HSF2: variants seen among roughly 807,000 people sequenced by gnomAD.
HSF2 encodes the protein heat shock factor protein 2.
Under a neutral mutation model 65.0 loss-of-function variants are expected in HSF2, and 21 were observed. The ratio of observed to expected loss-of-function variants is 0.32; its 90% CI spans 0.23 to 0.47. HSF2 has a LOEUF of 0.47. Among genes scored for constraint, HSF2 ranks in the 20% least tolerant of loss-of-function variants. The pLI, the probability that HSF2 is intolerant of heterozygous loss-of-function variation, is 1.00. For synonymous variants in HSF2, 225 were observed against 219.1 expected (o/e 1.03, Z -0.24); for missense variants, 499 against 628.1 (o/e 0.79, Z 2.20).
At chr6:122,405,413 A>G (rs1367018522) in intron 1 of HSF2, among the ~76,000 whole-genome samples, 2 of 152,198 alleles carry the variant, frequency 1.3e-5, no homozygotes, top group African/African-American at 4.8e-5. Flanking sequence ...GGTAAGTTTA[A>G]TAGAGTTACT....
chr6:122,414,373 T>C (rs1431014209), intron 4 of HSF2, among the ~76,000 whole-genome samples: 1 of 152,210 alleles, frequency 6.6e-6, no homozygotes, highest in Non-Finnish European at 1.5e-5. Context: ...CCATATCAGA[T>C]GTGAGACGTT....
intron 7 of HSF2, among the ~76,000 whole-genome samples, chr6:122,421,843 A>C (rs979265916): frequency 5.9e-5 from 9 of 152,088 alleles, no homozygotes; most frequent in African/African-American, 2.2e-4. Context: ...TTTACTCTTT[A>C]GGCATAAAAA....
chr6:122,421,143 C>A (rs1582617075), intron 7 of HSF2, among the ~76,000 whole-genome samples: 1 of 152,012 alleles, frequency 6.6e-6, no homozygotes, highest in South Asian at 2.1e-4. Context: ...AACTAGAATG[C>A]TTTTTACTCC....
At chr6:122,406,060 G>T (rs1026369134) in intron 1 of HSF2, among the ~76,000 whole-genome samples, 1 of 152,146 alleles carries the variant, frequency 6.6e-6, no homozygotes, top group Admixed American at 6.6e-5. Context: ...AGGAACAAGA[G>T]CTCCTTTTTC....
At chr6:122,412,281 T>A in intron 1 of HSF2, 92 bp from the exon 2 acceptor site, 1 of 748,894 alleles carries the variant, frequency 1.3e-6, no homozygotes, top group Non-Finnish European at 2.4e-6. Flanking sequence ...GGGACTGGAC[T>A]ACTCAAGACA....
intron 7 of HSF2, among the ~76,000 whole-genome samples, chr6:122,421,044 T>C (rs1159088829): frequency 6.6e-6 from 1 of 151,996 alleles, no homozygotes; most frequent in Non-Finnish European, 1.5e-5. Context: ...TAATTGAATA[T>C]TTTGAAAATG....
intron 11 of HSF2, among the ~76,000 whole-genome samples, chr6:122,428,323 A>G (rs1774382306): frequency 6.6e-6 from 1 of 152,038 alleles, no homozygotes; most frequent in African/African-American, 2.4e-5. Context: ...AAAAAGTTAT[A>G]GTACCCATAT....
chr6:122,400,199 C>A (rs950690918), intron 1 of HSF2, among the ~76,000 whole-genome samples: 1 of 152,138 alleles, frequency 6.6e-6, no homozygotes, highest in Non-Finnish European at 1.5e-5. Flanking sequence ...TCCTCCCGCC[C>A]GGCTCAGGGG....
At chr6:122,428,823 C>A (rs750698560) in intron 11 of HSF2, among the ~76,000 whole-genome samples, 1 of 152,016 alleles carries the variant, frequency 6.6e-6, no homozygotes, top group Non-Finnish European at 1.5e-5. Context: ...CTGTCTATAT[C>A]TTCAAAGTTA....
intron 6 of HSF2, 93 bp from the exon 7 acceptor site, chr6:122,420,042 T>C (rs751916764): frequency 5.1e-6 from 6 of 1,167,516 alleles, no homozygotes; most frequent in Non-Finnish European, 7.0e-6. Flanking sequence ...ATTAAGTGAG[T>C]GTGCATGTGT....
Position 122,431,997 on chromosome 6 carries a change from A to C in HSF2, c.1388A>C (p.Glu463Ala). The change falls in exon 13 of 13, where the codon GAA (glutamate) becomes GCA (alanine). Residue 463 changes from glutamate (E) to alanine (A), a missense_variant. By Grantham distance (107) the Glu-to-Ala change is moderately radical. Around this residue, in one of 2 missense-constraint regions of HSF2, gnomAD observed 349 missense variants for 393.5 expected, o/e 0.89. Transcript: ENST00000368455. ...FLDGNPASSV[E>A]QASTTASSEV... ...GATGGGAACCCTGCTTCTTCTGTTG[A>C]ACAGGCGAGTACAACAGCATCATCA... 1 of 1,613,968 alleles carries C rather than the reference A, an allele frequency of 6.2e-7. No homozygotes were observed. The highest frequency in any genetic ancestry group is 8.5e-7 in the Non-Finnish European group (1 of 1,179,870).
chr6:122,404,290 A>G (rs1421327881), intron 1 of HSF2, among the ~76,000 whole-genome samples: 1 of 152,242 alleles, frequency 6.6e-6, no homozygotes, highest in East Asian at 1.9e-4. Flanking sequence ...TGTTTTGAAC[A>G]TCCCAGCAAC....
chr6:122,425,773 TC>T (rs1305178576), intron 10 of HSF2, among the ~76,000 whole-genome samples: 1 of 152,048 alleles, frequency 6.6e-6, no homozygotes, highest in East Asian at 1.9e-4. Flanking sequence ...TTTCCATTCT[TC>T]CTCTGTGAAG....
At chr6:122,430,214 T>G (rs1290106361) in intron 11 of HSF2, among the ~76,000 whole-genome samples, 2 of 152,222 alleles carry the variant, frequency 1.3e-5, no homozygotes, top group Admixed American at 6.5e-5. Flanking sequence ...GAGATTTGAC[T>G]TCTTCCTGGA....
chr6:122,414,317 A>G (rs1774073777), intron 4 of HSF2, among the ~76,000 whole-genome samples: 1 of 152,176 alleles, frequency 6.6e-6, no homozygotes, highest in Non-Finnish European at 1.5e-5. Flanking sequence ...CTGTATCCTA[A>G]TAGGTGCCAA....
intron 1 of HSF2, among the ~76,000 whole-genome samples, chr6:122,409,974 T>C (rs1032662135): frequency 6.6e-6 from 1 of 151,984 alleles, no homozygotes; most frequent in Non-Finnish European, 1.5e-5. Context: ...AATTCTCAGA[T>C]AGATTTGCTG....
chr6:122,420,353 G>GT, intron 7 of HSF2, 131 bp downstream of exon 7: 4 of 613,830 alleles, frequency 6.5e-6, no homozygotes, highest in African/African-American at 1.9e-5. Flanking sequence ...TTGTTAAATT[G>GT]TGACATTTTT....
chr6:122,429,757 T>C (rs1427355041), intron 11 of HSF2, among the ~76,000 whole-genome samples: 1 of 152,138 alleles, frequency 6.6e-6, no homozygotes, highest in African/African-American at 2.4e-5. Flanking sequence ...CTGCATCTGT[T>C]GAGATAATCA....
rs1774341603 is a variant in HSF2 at position 122,426,508 on chromosome 6, G to C, written c.1177-1395G>C. Among the ~76,000 whole-genome samples the C allele has an allele frequency of 1.3e-5, 2 of 152,158 alleles. 1 individual carries two copies. Among genetic ancestry groups the C allele is most frequent in the South Asian group, 4.1e-4 (2 of 4,830 alleles). On this transcript the variant is annotated intron_variant, in intron 10 of 12. Coordinates refer to ENST00000368455, the MANE Select transcript of HSF2 (RefSeq NM_004506.4). ...CTCTGTAGGGACAAAATTTGGGTTA[G>C]GCTTCTTAGGCAGTGATAAGCTAAA...
Sources: allele counts gnomAD v4.1 joint callset (sites outside exome capture counted in the v4.1 genomes callset), GRCh38; gene constraint gnomAD v4.1.1; regional missense constraint gnomAD v4.1.1; transcripts MANE v1.5; gene names NCBI Gene and HGNC (gene_info 2026-07-23, HGNC 2026-07-21).